NPAS3: variants seen among roughly 807,000 people sequenced by gnomAD.
NPAS3 encodes the protein neuronal PAS domain-containing protein 3.
Under a neutral mutation model 73.1 loss-of-function variants are expected in NPAS3, and 14 were observed. The observed-to-expected ratio is 0.19, with a 90% CI of 0.13 to 0.30. NPAS3 has a LOEUF of 0.30. Among genes scored for constraint, NPAS3 ranks in the 10% least tolerant of loss-of-function variants. NPAS3 has a pLI of 1.00. For missense variants in NPAS3, 1,096 were observed against 1,250.0 expected (o/e 0.88, Z 1.86); for synonymous variants, 620 against 541.5 (o/e 1.14, Z -2.01).
intron 2 of NPAS3, among the ~76,000 whole-genome samples, chr14:33,190,842 G>A (rs149407169): frequency 0.017 from 2,586 of 152,230 alleles, 29 homozygotes; most frequent in Middle Eastern, 0.054. Flanking sequence ...AGTCGAAGAG[G>A]CCCGACTCTG....
At chr14:33,249,198 G>T (rs754277880) in intron 3 of NPAS3, among the ~76,000 whole-genome samples, 2 of 152,100 alleles carry the variant, frequency 1.3e-5, no homozygotes. Context: ...GGGGATTTAA[G>T]ATTATGTAAA....
intron 3 of NPAS3, among the ~76,000 whole-genome samples, chr14:33,340,504 A>G (rs2044424897): frequency 6.6e-6 from 1 of 152,222 alleles, no homozygotes; most frequent in South Asian, 2.1e-4. Flanking sequence ...CAAAAAGACA[A>G]AATTTCCTTT....
chr14:33,112,371 G>A (rs1358485172), intron 2 of NPAS3, among the ~76,000 whole-genome samples: 1 of 152,148 alleles, frequency 6.6e-6, no homozygotes, highest in Non-Finnish European at 1.5e-5. Context: ...TCTAACTGGT[G>A]TGAGATGGTA....
chr14:33,435,484 A>G (rs1753920395), intron 4 of NPAS3, among the ~76,000 whole-genome samples: 3 of 152,164 alleles, frequency 2.0e-5, no homozygotes, highest in Admixed American at 1.3e-4. Context: ...TCTTTCAGAT[A>G]ATACATTAAT....
intron 5 of NPAS3, among the ~76,000 whole-genome samples, chr14:33,660,850 T>C (rs575156321): frequency 6.6e-6 from 1 of 152,318 alleles, no homozygotes; most frequent in Non-Finnish European, 1.5e-5. Flanking sequence ...AGGCAATCAA[T>C]ACCAGCAAGC....
intron 5 of NPAS3, among the ~76,000 whole-genome samples, chr14:33,592,211 C>T (rs1157327492): frequency 6.6e-6 from 1 of 152,126 alleles, no homozygotes; most frequent in African/African-American, 2.4e-5. Context: ...TCTGTATTTT[C>T]CTCCTTCCAG....
intron 6 of NPAS3, among the ~76,000 whole-genome samples, chr14:33,693,010 C>A (rs1216280737): frequency 6.6e-6 from 1 of 152,092 alleles, no homozygotes; most frequent in Non-Finnish European, 1.5e-5. Context: ...ACAGTTCTAG[C>A]ATGTGGCACA....
At chr14:33,620,675 A>T (rs1477393084) in intron 5 of NPAS3, among the ~76,000 whole-genome samples, 2 of 152,218 alleles carry the variant, frequency 1.3e-5, no homozygotes, top group African/African-American at 4.8e-5. Context: ...TAGACATAAC[A>T]TACAGTTATA....
At chr14:33,620,865 G>A (rs531957059) in intron 5 of NPAS3, among the ~76,000 whole-genome samples, 1 of 152,202 alleles carries the variant, frequency 6.6e-6, no homozygotes, top group South Asian at 2.1e-4. Flanking sequence ...CCAGAAAATG[G>A]TTGGTACATG....
chr14:33,442,614 C>T (rs1303549125), intron 4 of NPAS3, among the ~76,000 whole-genome samples: 1 of 152,196 alleles, frequency 6.6e-6, no homozygotes, highest in Non-Finnish European at 1.5e-5. Flanking sequence ...CTTCGCCCTT[C>T]ACTTGGCTCT....
intron 3 of NPAS3, among the ~76,000 whole-genome samples, chr14:33,293,699 G>C (rs1438649781): frequency 1.3e-5 from 2 of 152,148 alleles, no homozygotes; most frequent in African/African-American, 4.8e-5. Context: ...TAAAAGGTTA[G>C]TAATTAACTG....
intron 4 of NPAS3, among the ~76,000 whole-genome samples, chr14:33,382,295 C>A (rs189583853): frequency 2.0e-4 from 31 of 152,098 alleles, no homozygotes; most frequent in East Asian, 5.8e-4. Flanking sequence ...AACCTTGAGA[C>A]CTTTAACTCA....
intron 3 of NPAS3, among the ~76,000 whole-genome samples, chr14:33,242,763 G>T (rs2048251334): frequency 6.6e-6 from 1 of 152,044 alleles, no homozygotes; most frequent in South Asian, 2.1e-4. Flanking sequence ...AAATGCAATA[G>T]CTTCTTCAGA....
In NPAS3 at chr14:33,348,752, G is replaced by T. The variant is rs542292764; in HGVS notation, c.386-18434G>T. 7.5e-5 allele frequency among the ~76,000 whole-genome samples: 9 copies of T among 120,666 alleles called. No homozygotes were observed. The South Asian group carries it at 1.9e-3, about 26-fold the overall frequency. The allele number at this position is 120,666 out of a possible 152,430, so 79.2% of individuals were successfully genotyped here. ...TGGAGCTCCCGTTCACATCTGTGCA[G>T]TTACACACAGAGAAGCTTCCTCTTC... On this transcript the variant is annotated intron_variant, in intron 3 of 11. Coordinates refer to ENST00000356141, the Ensembl canonical transcript of NPAS3.
rs144872074 is a variant in NPAS3, at chr14:33,589,024, T to A, written c.558+28814T>A. 7.9e-5 allele frequency among the ~76,000 whole-genome samples: 12 copies of A among 152,318 alleles called. No individual in the cohort carries two copies. In the East Asian group the frequency reaches 2.3e-3, roughly 29 times the overall value. On this transcript the variant is annotated intron_variant, in intron 5 of 11. Transcript: ENST00000356141. Reference sequence around the variant, plus strand: ...TGGCTGTCTCAGTAATGACTGCTGGTAGAATCTTTCTCAAACCTCTAATCT... The same window carrying A: ...TGGCTGTCTCAGTAATGACTGCTGGAAGAATCTTTCTCAAACCTCTAATCT...
chr14:33,545,098 T>G (rs1178586146), intron 4 of NPAS3, among the ~76,000 whole-genome samples: 4 of 151,844 alleles, frequency 2.6e-5, no homozygotes, highest in South Asian at 4.2e-4. Context: ...AGTCTTTCTC[T>G]CCCTTAAAAT....
chr14:33,775,254 G>T (rs1322661218), intron 8 of NPAS3, among the ~76,000 whole-genome samples: 5 of 152,134 alleles, frequency 3.3e-5, no homozygotes, highest in African/African-American at 9.7e-5. Context: ...GAAACCATGG[G>T]GTGCAGGGAG....
At chr14:33,148,139 T>G (rs2044314761) in intron 2 of NPAS3, among the ~76,000 whole-genome samples, 2 of 152,128 alleles carry the variant, frequency 1.3e-5, no homozygotes, top group South Asian at 4.1e-4. Context: ...TAGGGGGCAA[T>G]TAATCCTGAG....
chr14:33,481,350 T>C (rs2051317013), intron 4 of NPAS3, among the ~76,000 whole-genome samples: 2 of 152,144 alleles, frequency 1.3e-5, no homozygotes, highest in Non-Finnish European at 2.9e-5. Context: ...GTAGGAACTG[T>C]TAAGGAACAT....
Sources: allele counts gnomAD v4.1 joint callset (sites outside exome capture counted in the v4.1 genomes callset), GRCh38; gene constraint gnomAD v4.1.1; transcripts MANE v1.5; gene names NCBI Gene and HGNC (gene_info 2026-07-23, HGNC 2026-07-21).